OGDH: variants seen among roughly 807,000 people sequenced by gnomAD.
The protein encoded by OGDH is oxoglutarate dehydrogenase, also known as 2-oxoglutarate dehydrogenase complex component E1.
Under a neutral mutation model 116.6 loss-of-function variants are expected in OGDH, and 38 were observed. The ratio of observed to expected loss-of-function variants is 0.33; its 90% CI spans 0.25 to 0.43. The LOEUF (loss-of-function observed/expected upper bound fraction) is 0.43, where lower values mean the gene tolerates loss of function less well. Ranked by LOEUF, OGDH falls within the 20% of genes least tolerant of loss-of-function variation. OGDH has a pLI of 1.00. For synonymous variants in OGDH, 488 were observed against 533.3 expected (o/e 0.92, Z 1.17); for missense variants, 825 against 1,357.2 (o/e 0.61, Z 6.16).
At chr7:44,703,332 C>T (rs761762791) in intron 20 of OGDH, among the ~76,000 whole-genome samples, 6 of 151,784 alleles carry the variant, frequency 4.0e-5, no homozygotes, top group Non-Finnish European at 8.8e-5. Context: ...TGCTTGAACC[C>T]GGGAGGCAGA....
chr7:44,700,735 G>A lies in OGDH; in HGVS notation c.2559+466G>A, dbSNP rs146132813. Among the ~76,000 whole-genome samples, 1,180 of 152,256 alleles carry A rather than the reference G, an allele frequency of 7.8e-3. 12 individuals carry two copies. Among genetic ancestry groups the A allele is most frequent in the African/African-American group, 0.027 (1,111 of 41,542 alleles). On this transcript the variant is annotated intron_variant, in intron 19 of 22. Coordinates refer to ENST00000222673, the MANE Select transcript of OGDH (RefSeq NM_002541.4). ...GTGATTCATAAAAAGGAAGGAGGCC[G>A]GGCGAGGTGGCTCACGCCTGTAATC...
chr7:44,688,859 A>G (rs1788246423), intron 10 of OGDH, among the ~76,000 whole-genome samples: 2 of 151,506 alleles, frequency 1.3e-5, no homozygotes, highest in African/African-American at 4.9e-5. Flanking sequence ...AAACGATTCT[A>G]GTGCCTGAAC....
At chr7:44,656,117 C>T (rs1012104343) in intron 4 of OGDH, among the ~76,000 whole-genome samples, 1 of 152,086 alleles carries the variant, frequency 6.6e-6, no homozygotes, top group African/African-American at 2.4e-5. Context: ...GAATCATTTC[C>T]ATGTTTAATA....
chr7:44,624,013 G>A (rs1290385820), intron 1 of OGDH, among the ~76,000 whole-genome samples: 1 of 152,044 alleles, frequency 6.6e-6, no homozygotes, highest in African/African-American at 2.4e-5. Context: ...GGCTCGCACA[G>A]GCATCCTGTG....
intron 9 of OGDH, among the ~76,000 whole-genome samples, chr7:44,677,192 G>A (rs1562665039): frequency 6.6e-6 from 1 of 152,144 alleles, no homozygotes; most frequent in Non-Finnish European, 1.5e-5. Flanking sequence ...TTATGTATGG[G>A]TTCTGGGAAA....
intron 2 of OGDH, among the ~76,000 whole-genome samples, chr7:44,626,343 AC>A (rs1785208114): frequency 6.7e-6 from 1 of 149,914 alleles, no homozygotes; most frequent in African/African-American, 2.5e-5. Flanking sequence ...CCCTACACAC[AC>A]ACACACACAC....
intron 5 of OGDH, among the ~76,000 whole-genome samples, chr7:44,670,900 A>G (rs1787411298): frequency 1.3e-5 from 2 of 150,684 alleles, no homozygotes; most frequent in Non-Finnish European, 2.9e-5. Flanking sequence ...AGTCCCAACT[A>G]CTCGGGAGGC....
chr7:44,691,981 T>TAAAAAAAA (rs371665967), intron 10 of OGDH, among the ~76,000 whole-genome samples: 1,417 of 102,500 alleles, frequency 0.014, 26 homozygotes, highest in East Asian at 0.04. Flanking sequence ...GACTCTGTCT[T>TAAAAAAAA]AAAAAAAAAA....
At chr7:44,704,067 T>C (rs1458217869) in intron 20 of OGDH, among the ~76,000 whole-genome samples, 3 of 152,194 alleles carry the variant, frequency 2.0e-5, no homozygotes, top group African/African-American at 7.2e-5. Flanking sequence ...CTTTTGAATA[T>C]GTACTCAGAA....
intron 2 of OGDH, among the ~76,000 whole-genome samples, chr7:44,628,753 T>TA (rs1358203867): frequency 2.0e-5 from 3 of 151,932 alleles, no homozygotes; most frequent in Non-Finnish European, 4.4e-5. Context: ...CCCAGCCTCT[T>TA]AAAAAAAACT....
In OGDH at chr7:44,707,161, G is replaced by T. The variant is rs1369979913; in HGVS notation, c.2633-64G>T. The T allele has an allele frequency of 3.2e-6, 5 of 1,566,762 alleles. No individual in the cohort carries two copies. The highest frequency in any genetic ancestry group is 4.4e-6 in the Non-Finnish European group (5 of 1,146,174). ...GCAGCAGTCCCTGGCACAGCCCTGG[G>T]CCCAGGAGAGCTCTCAGCCACATAC... On this transcript the variant is annotated intron_variant, in intron 20 of 22. Coordinates refer to ENST00000222673, the MANE Select transcript of OGDH (RefSeq NM_002541.4). The surrounding 1 kb of genome is among the most constrained non-coding windows in gnomAD (Gnocchi z 5.2).
intron 4 of OGDH, among the ~76,000 whole-genome samples, chr7:44,648,821 G>A (rs897691143): frequency 2.0e-5 from 3 of 152,152 alleles, no homozygotes; most frequent in Non-Finnish European, 4.4e-5. Context: ...GGAGTTTAGA[G>A]AAATCCTCTT....
intron 1 of OGDH, among the ~76,000 whole-genome samples, chr7:44,614,522 C>T (rs2117231458): frequency 6.6e-6 from 1 of 152,024 alleles, no homozygotes; most frequent in South Asian, 2.1e-4. Flanking sequence ...TTGTTATTTC[C>T]CTGAGGCCTT....
chr7:44,673,317 AAAATAAAT>A (rs374191353), intron 5 of OGDH, among the ~76,000 whole-genome samples: 1 of 152,204 alleles, frequency 6.6e-6, no homozygotes, highest in Non-Finnish European at 1.5e-5. Flanking sequence ...CTGCCTCAAA[AAAATAAAT>A]AAATAAATAA....
At chr7:44,679,991 G>C (rs1281363763) in intron 9 of OGDH, among the ~76,000 whole-genome samples, 4 of 152,128 alleles carry the variant, frequency 2.6e-5, no homozygotes, top group African/African-American at 4.8e-5. Context: ...CAAGAGGAGT[G>C]CTTGAACCCA....
intron 5 of OGDH, among the ~76,000 whole-genome samples, chr7:44,670,777 A>G (rs560309334): frequency 3.2e-4 from 48 of 151,918 alleles, no homozygotes; most frequent in Middle Eastern, 3.4e-3. Flanking sequence ...TTGGGAGGCC[A>G]AGGCGGGCGA....
At chr7:44,666,597 T>C (rs1316587324) in intron 4 of OGDH, 139 bp from the exon 5 acceptor site, 28 of 417,936 alleles carry the variant, frequency 6.7e-5, no homozygotes, top group Non-Finnish European at 1.3e-5. Flanking sequence ...TTCACATATA[T>C]CAGGGGCTTT....
chr7:44,682,596 G>A (rs1296515820), intron 10 of OGDH, among the ~76,000 whole-genome samples: 1 of 152,004 alleles, frequency 6.6e-6, no homozygotes, highest in Non-Finnish European at 1.5e-5. Context: ...TTGGGAGGCT[G>A]AGGCACAAGA....
At chr7:44,615,830 C>A (rs1351716055) in intron 1 of OGDH, among the ~76,000 whole-genome samples, 1 of 152,044 alleles carries the variant, frequency 6.6e-6, no homozygotes, top group African/African-American at 2.4e-5. Flanking sequence ...GAGTTCGAGG[C>A]CACCCTGGCC....
Sources: allele counts gnomAD v4.1 joint callset (sites outside exome capture counted in the v4.1 genomes callset), GRCh38; gene constraint gnomAD v4.1.1; non-coding constraint Gnocchi (gnomAD v3.1); transcripts MANE v1.5; gene names NCBI Gene and HGNC (gene_info 2026-07-23, HGNC 2026-07-21).